The following HPS1 variants were observed in gnomAD, a reference collection of about 807,000 sequenced individuals.
HPS1 encodes the protein HPS1 biogenesis of lysosomal organelles complex 3 subunit 1.
In HPS1, 59 loss-of-function variants were observed where a neutral mutation model predicts 90.6. The ratio of observed to expected loss-of-function variants is 0.65; its 90% CI spans 0.53 to 0.81. The LOEUF (loss-of-function observed/expected upper bound fraction) is 0.81. Among genes scored for constraint, HPS1 ranks in the 30% least tolerant of loss-of-function variants. The pLI is 0.00. For synonymous variants in HPS1, 388 were observed against 384.4 expected, an observed-to-expected ratio of 1.01 and a Z score of -0.11; for missense variants, 849 against 896.7, an observed-to-expected ratio of 0.95 and a Z score of 0.68.
chr10:98,433,925 G>C, intron 6 of HPS1, 58 bp downstream of exon 6: 1 of 1,547,344 alleles, frequency 6.5e-7, no homozygotes, highest in Non-Finnish European at 8.7e-7. Context: ...CTTAAAGGTG[G>C]ACGCCCCCTC....
chr10:98,441,753 C>T (rs917481693), intron 3 of HPS1, among the ~76,000 whole-genome samples: 2 of 152,178 alleles, frequency 1.3e-5, no homozygotes, highest in African/African-American at 4.8e-5. Flanking sequence ...AAGCATTAGT[C>T]ATTAAGGAAA....
At chr10:98,443,323 C>T in intron 2 of HPS1, 83 bp from the exon 3 acceptor site, 1 of 987,180 alleles carries the variant, frequency 1.0e-6, no homozygotes, top group South Asian at 1.3e-5. Flanking sequence ...GGACCCCAAC[C>T]TCAGCAAACA....
chr10:98,434,581 T>C (rs1847020228), intron 5 of HPS1, among the ~76,000 whole-genome samples: 1 of 151,842 alleles, frequency 6.6e-6, no homozygotes, highest in South Asian at 2.1e-4. Flanking sequence ...ACAATGTTTG[T>C]GCATTTGAGA....
intron 10 of HPS1, 109 bp downstream of exon 10, chr10:98,429,464 C>T (rs1846062651): frequency 6.3e-7 from 1 of 1,591,234 alleles, no homozygotes. Flanking sequence ...GGTACCTGCA[C>T]TCAAGCCTTA....
chr10:98,438,586 T>C (rs1048172717), intron 3 of HPS1, among the ~76,000 whole-genome samples: 2 of 152,176 alleles, frequency 1.3e-5, no homozygotes, highest in African/African-American at 4.8e-5. Flanking sequence ...GTGACTTGGG[T>C]GCTCTAAAAA....
intron 3 of HPS1, among the ~76,000 whole-genome samples, chr10:98,441,111 T>C (rs1938340109): frequency 6.6e-6 from 1 of 152,138 alleles, no homozygotes. Context: ...TGAGACCCCT[T>C]AGAGCAGAAA....
chr10:98,433,599 G>A (rs1846839827), intron 6 of HPS1, among the ~76,000 whole-genome samples: 1 of 152,078 alleles, frequency 6.6e-6, no homozygotes, highest in Admixed American at 6.5e-5. Flanking sequence ...CTGTAGTGCT[G>A]GTATCATTTG....
chr10:98,414,973 C>T (rs767396190), downstream of HPS1: 5 of 1,605,768 alleles, frequency 3.1e-6, no homozygotes, highest in South Asian at 1.1e-5. Flanking sequence ...GTCTTCCCGC[C>T]CCTCAGCTCT....
At position 98,435,417 on chromosome 10, in the gene HPS1, G is replaced by C. The variant is rs1379673908; in HGVS notation, c.256-3C>G. ...GCAATGAACAGGCATTCTCCAAACT[G>C]CAGGCACAGGCAGGCCAGTGTCAGC... On this transcript the variant is annotated splice_region_variant and splice_polypyrimidine_tract_variant and intron_variant, in intron 4 of 19. Transcript: ENST00000361490. The surrounding 1 kb of genome is among the most constrained non-coding windows in gnomAD (Gnocchi z 4.3). 6.2e-7 allele frequency: 1 copy of C among 1,613,548 alleles called. No individual in the cohort carries two copies. Among genetic ancestry groups the C allele is most frequent in the Non-Finnish European group, 8.5e-7 (1 of 1,180,018 alleles).
At chr10:98,443,906 G>A (rs990547156) in intron 2 of HPS1, among the ~76,000 whole-genome samples, 7 of 152,108 alleles carry the variant, frequency 4.6e-5, no homozygotes, top group Admixed American at 6.5e-5. Context: ...GGTGGCAAGT[G>A]CCTGTTATCC....
At chr10:98,439,261 A>C (rs1216635826) in intron 3 of HPS1, among the ~76,000 whole-genome samples, 1 of 152,176 alleles carries the variant, frequency 6.6e-6, no homozygotes, top group African/African-American at 2.4e-5. Context: ...TAGGGCCATC[A>C]TCCTCTAGCC....
intron 14 of HPS1, 147 bp from the exon 15 acceptor site, chr10:98,424,034 A>T: frequency 9.2e-7 from 1 of 1,088,738 alleles, no homozygotes; most frequent in Non-Finnish European, 1.3e-6. Context: ...TACCCAGGAC[A>T]GACCAACCTG....
chr10:98,442,053 T>G (rs1372988400), intron 3 of HPS1, among the ~76,000 whole-genome samples: 1 of 152,202 alleles, frequency 6.6e-6, no homozygotes, highest in Non-Finnish European at 1.5e-5. Context: ...TTTGTAATAG[T>G]CAAAAACTGA....
intron 9 of HPS1, 41 bp from the exon 10 acceptor site, chr10:98,429,683 G>C: frequency 1.9e-6 from 3 of 1,614,072 alleles, no homozygotes; most frequent in Non-Finnish European, 2.5e-6. Flanking sequence ...GGCTCTCCCA[G>C]CTGGCTCAAC....
chr10:98,423,197 C>A (rs771243034), intron 16 of HPS1, among the ~76,000 whole-genome samples: 19 of 152,054 alleles, frequency 1.2e-4, no homozygotes, highest in African/African-American at 3.9e-4. Flanking sequence ...TGCCGTAGGC[C>A]TTCTAGAGCT....
rs941329982 is a variant in HPS1, at chr10:98,423,623, C to T, written c.1578G>A (p.Arg526=). 1 of 1,613,976 alleles carries T rather than the reference C, an allele frequency of 6.2e-7. No individual in the cohort carries two copies. The highest frequency in any genetic ancestry group is 1.3e-5 in the African/African-American group (1 of 75,050). ...GATATGACACCATGGTGATGTTCCT[C>T]CTGCTCTTCACCAGCAAGAAGTCCT... ...DWKDFLLVKS[R]RNITMVSYLE... Residue 526 remains arginine (R), a synonymous_variant, in exon 16 of 20, where the codon AGG becomes AGA. Coordinates refer to ENST00000361490, the MANE Select transcript of HPS1 (RefSeq NM_000195.5).
At chr10:98,434,127 A>G (rs2136239814) in intron 5 of HPS1, 36 bp from the exon 6 acceptor site, 1 of 1,538,036 alleles carries the variant, frequency 6.5e-7, no homozygotes, top group East Asian at 2.4e-5. Flanking sequence ...GAGAGATCAC[A>G]AGAAAGCTGG....
intron 12 of HPS1, 46 bp downstream of exon 12, chr10:98,425,772 G>T: frequency 6.2e-7 from 1 of 1,600,632 alleles, no homozygotes. Context: ...TGGGGAAGAC[G>T]TGCCAACCCT....
In HPS1 at chr10:98,425,814, C is replaced by T. The variant is rs913710518; in HGVS notation, c.1155+4G>A. On this transcript the variant is annotated splice_donor_region_variant and intron_variant, in intron 12 of 19. Transcript: ENST00000361490. ...CATCAGGGCAGGGTGAGGGGCTCTC[C>T]TACCCTGGTCAGGAGCACCAGGTTG... 4 of 1,613,362 alleles carry T rather than the reference C, an allele frequency of 2.5e-6. No individual in the cohort carries two copies. The Admixed American group carries it at 6.7e-5, about 27-fold the overall frequency.
Sources: allele counts gnomAD v4.1 joint callset (sites outside exome capture counted in the v4.1 genomes callset), GRCh38; gene constraint gnomAD v4.1.1; non-coding constraint Gnocchi (gnomAD v3.1); transcripts MANE v1.5; gene names NCBI Gene and HGNC (gene_info 2026-07-23, HGNC 2026-07-21).